WWOX: variants seen among roughly 807,000 people sequenced by gnomAD.
WWOX encodes WW domain-containing oxidoreductase.
Under a neutral mutation model 46.2 loss-of-function variants are expected in WWOX, and 69 were observed. The observed-to-expected ratio is 1.49, with a 90% confidence interval of 1.23 to 1.82. The LOEUF is 1.82. Ranked by LOEUF, WWOX falls within the 40% of genes most tolerant of loss-of-function variation. WWOX has a pLI of 0.00. For synonymous variants in WWOX, 359 were observed against 202.6 expected (o/e 1.77, Z -6.56); for missense variants, 919 against 542.6 (o/e 1.69, Z -6.89).
At chr16:78,370,980 C>T (rs202207877) in intron 5 of WWOX, among the ~76,000 whole-genome samples, 66,881 of 133,576 alleles carry the variant, frequency 0.5, 17,707 homozygotes, top group Non-Finnish European at 0.62. Flanking sequence ...GTTGTGATTT[C>T]TTTTTTTTTT....
intron 8 of WWOX, among the ~76,000 whole-genome samples, chr16:78,555,874 C>T (rs1030366318): frequency 1.3e-5 from 2 of 152,104 alleles, no homozygotes; most frequent in African/African-American, 4.8e-5. Flanking sequence ...ACAATCTCTG[C>T]AGAATCGTGA....
intron 8 of WWOX, among the ~76,000 whole-genome samples, chr16:78,888,564 T>G (rs1400831206): frequency 6.6e-6 from 1 of 152,150 alleles, no homozygotes; most frequent in African/African-American, 2.4e-5. Context: ...CGGCTTTTGT[T>G]TGTTAGTTTT....
At chr16:78,906,566 T>C (rs1182198854) in intron 8 of WWOX, among the ~76,000 whole-genome samples, 3 of 152,074 alleles carry the variant, frequency 2.0e-5, no homozygotes, top group Non-Finnish European at 2.9e-5. Context: ...ACTGCATAAA[T>C]ATACATCTTT....
At chr16:78,519,510 A>G (rs1020608231) in intron 8 of WWOX, among the ~76,000 whole-genome samples, 8 of 151,788 alleles carry the variant, frequency 5.3e-5, no homozygotes, top group African/African-American at 1.7e-4. Flanking sequence ...TATATATTAC[A>G]TATGGATATA....
chr16:78,442,679 A>T (rs1390030948), intron 8 of WWOX, among the ~76,000 whole-genome samples: 2 of 152,078 alleles, frequency 1.3e-5, no homozygotes, highest in African/African-American at 4.8e-5. Flanking sequence ...GTTAACATTG[A>T]ACATAAAAAC....
chr16:78,924,492 A>G (rs1362334017), intron 8 of WWOX, among the ~76,000 whole-genome samples: 1 of 152,162 alleles, frequency 6.6e-6, no homozygotes, highest in Non-Finnish European at 1.5e-5. Flanking sequence ...GCTGCAGGCT[A>G]CTTGGTTGTA....
intron 4 of WWOX, among the ~76,000 whole-genome samples, chr16:78,115,371 A>G (rs539416675): frequency 7.8e-4 from 119 of 152,298 alleles, no homozygotes; most frequent in African/African-American, 2.8e-3. Flanking sequence ...AAAGCTGAAC[A>G]CTCAGCAAAA....
At chr16:78,254,652 C>T (rs1199555766) in intron 5 of WWOX, among the ~76,000 whole-genome samples, 3 of 151,746 alleles carry the variant, frequency 2.0e-5, no homozygotes, top group African/African-American at 7.3e-5. Context: ...ACCACAGCCT[C>T]CTGAGCACCC....
chr16:79,077,332 T>C (rs1472576212), intron 8 of WWOX: 1 of 152,084 alleles, frequency 6.6e-6, no homozygotes, highest in Non-Finnish European at 1.5e-5. Context: ...GAACAGGGCA[T>C]GGAAAGCAAA....
intron 6 of WWOX, among the ~76,000 whole-genome samples, chr16:78,393,524 T>G (rs550217715): frequency 6.6e-6 from 1 of 152,292 alleles, no homozygotes; most frequent in East Asian, 1.9e-4. Context: ...AAACGGTTTG[T>G]AGGTCCTTAA....
Position 78,302,848 on chromosome 16 carries a change from T to G in WWOX, c.517-84012T>G, listed in dbSNP as rs572749047. On this transcript the variant is annotated intron_variant, in intron 5 of 8. Transcript: ENST00000566780. The stretch of plus-strand genomic sequence containing the variant: ...TTGCCAGCTCCCTCAGCCCCTTTCC[T>G]GGCTCCAAACCTTTGGCTTTGGTTT... Among the ~76,000 whole-genome samples, 219 of 152,344 alleles carry G rather than the reference T, an allele frequency of 1.4e-3. 1 individual carries two copies. Among genetic ancestry groups the G allele is most frequent in the African/African-American group, 5.0e-3 (210 of 41,588 alleles).
chr16:78,568,467 C>T (rs556379602), intron 8 of WWOX, among the ~76,000 whole-genome samples: 155 of 150,398 alleles, frequency 1.0e-3, no homozygotes, highest in African/African-American at 3.5e-3. Context: ...TAAAAAAAAG[C>T]TTCCAACTTT....
chr16:78,204,890 C>T (rs1293489062), intron 5 of WWOX, among the ~76,000 whole-genome samples: 1 of 152,120 alleles, frequency 6.6e-6, no homozygotes, highest in Non-Finnish European at 1.5e-5. Flanking sequence ...TTTAGACCAC[C>T]ATATTTTCTA....
chr16:78,320,375 G>A (rs548647635), intron 5 of WWOX, among the ~76,000 whole-genome samples: 13 of 152,298 alleles, frequency 8.5e-5, no homozygotes, highest in African/African-American at 3.1e-4. Flanking sequence ...GGGGTAGTTA[G>A]ACTTCTGTGA....
chr16:79,148,189 A>T (rs1419662425), intron 8 of WWOX, among the ~76,000 whole-genome samples: 1 of 152,116 alleles, frequency 6.6e-6, no homozygotes, highest in Non-Finnish European at 1.5e-5. Flanking sequence ...TTTTTTCCTA[A>T]AAGTCATATA....
chr16:78,616,911 G>A (rs1301932137), intron 8 of WWOX, among the ~76,000 whole-genome samples: 5 of 152,216 alleles, frequency 3.3e-5, no homozygotes, highest in South Asian at 4.1e-4. Flanking sequence ...ATTTTGGGGG[G>A]ACACATTCAG....
Position 78,578,284 on chromosome 16 carries a change from A to AT in WWOX, c.1056+145556dup, listed in dbSNP as rs1172203878. On this transcript the variant is annotated intron_variant, in intron 8 of 8. Coordinates refer to ENST00000566780, the MANE Select transcript of WWOX (RefSeq NM_016373.4). ...TATATATATATATATATATATATAT[A>AT]TTTTTTTTTTTTTTTTTTTTTTTTG... 7.7e-4 allele frequency among the ~76,000 whole-genome samples: 16 copies of AT among 20,832 alleles called. 1 individual carries two copies. The highest frequency in any genetic ancestry group is 2.3e-3 in the African/African-American group (10 of 4,400). The allele number at this position is 20,832 out of a possible 152,430, so 13.7% of individuals were successfully genotyped here.
chr16:78,307,462 A>G (rs1178104397), intron 5 of WWOX, among the ~76,000 whole-genome samples: 1 of 152,160 alleles, frequency 6.6e-6, no homozygotes, highest in Non-Finnish European at 1.5e-5. Context: ...ACTACGAAAG[A>G]GGAGGAAACA....
At chr16:78,780,177 C>A (rs1477413) in intron 8 of WWOX, among the ~76,000 whole-genome samples, 1 of 151,888 alleles carries the variant, frequency 6.6e-6, no homozygotes, top group Non-Finnish European at 1.5e-5. Flanking sequence ...TCCTCTCCAG[C>A]CCTCACCTGG....
Sources: allele counts gnomAD v4.1 joint callset (sites outside exome capture counted in the v4.1 genomes callset), GRCh38; gene constraint gnomAD v4.1.1; transcripts MANE v1.5; gene names NCBI Gene and HGNC (gene_info 2026-07-23, HGNC 2026-07-21).